RPAP2: variants seen among roughly 807,000 people sequenced by gnomAD.
RPAP2 encodes RNA polymerase II associated protein 2.
Under a neutral mutation model 73.1 loss-of-function variants are expected in RPAP2, and 52 were observed. The observed-to-expected ratio is 0.71, with a 90% CI of 0.57 to 0.90. RPAP2 has a LOEUF of 0.90. Among genes scored for constraint, RPAP2 ranks in the 40% least tolerant of loss-of-function variants. The pLI, the probability that RPAP2 is intolerant of heterozygous loss-of-function variation, is 0.00. For synonymous variants in RPAP2, 225 were observed against 242.1 expected (o/e 0.93, Z 0.65); for missense variants, 598 against 701.8 (o/e 0.85, Z 1.67).
Position 92,367,343 on chromosome 1 carries a change from G to A in RPAP2, c.1689-13381G>A, listed in dbSNP as rs187529666. 9.0e-4 allele frequency among the ~76,000 whole-genome samples: 137 copies of A among 152,228 alleles called. 1 individual carries two copies. Among genetic ancestry groups the A allele is most frequent in the African/African-American group, 2.8e-3 (115 of 41,538 alleles). On this transcript the variant is annotated intron_variant, in intron 11 of 12. Coordinates refer to ENST00000610020, the MANE Select transcript of RPAP2 (RefSeq NM_024813.3). ...AATTAGTGCCTCATCTATCCCAGAC[G>A]GCTTTTGCGTTTGTTTGATTGTAAG...
chr1:92,378,607 G>A (rs1272337101), intron 11 of RPAP2, among the ~76,000 whole-genome samples: 2 of 152,130 alleles, frequency 1.3e-5, no homozygotes, highest in Non-Finnish European at 1.5e-5. Flanking sequence ...TTTAGCCAGT[G>A]TTATCCCATC....
At chr1:92,303,120 C>A (rs563279890) in intron 3 of RPAP2, among the ~76,000 whole-genome samples, 43 of 152,094 alleles carry the variant, frequency 2.8e-4, no homozygotes, top group African/African-American at 9.2e-4. Flanking sequence ...TTTTGTAATC[C>A]TTAAGAGGGC....
chr1:92,357,694 G>A (rs1654544682), intron 11 of RPAP2, among the ~76,000 whole-genome samples: 1 of 152,144 alleles, frequency 6.6e-6, no homozygotes, highest in African/African-American at 2.4e-5. Context: ...ACCACACCCA[G>A]CTAATTTTTG....
Position 92,365,980 on chromosome 1 carries a change from TA to T in RPAP2, c.1689-14734del, listed in dbSNP as rs1294395030. ...GTTGAAGACCAACAAGTCAGTCTCA[TA>T]AAAAAAAAATTTAACAAACTTGGAA... On this transcript the variant is annotated intron_variant, in intron 11 of 12. Transcript: ENST00000610020. 6.6e-5 allele frequency among the ~76,000 whole-genome samples: 10 copies of T among 150,616 alleles called. 1 individual carries two copies. The highest frequency in any genetic ancestry group is 1.7e-4 in the African/African-American group (7 of 41,002).
At position 92,347,176 on chromosome 1, in the gene RPAP2, A is replaced by T. The variant is rs541909614; in HGVS notation, c.1688+1262A>T. On this transcript the variant is annotated intron_variant, in intron 11 of 12. Coordinates refer to ENST00000610020, the MANE Select transcript of RPAP2 (RefSeq NM_024813.3). ...ACTTTACTTGAATGCCCTGATATAAATTTTTTATCAACCATAAGAACAAAT... is the reference window on the plus strand; with the variant it reads ...ACTTTACTTGAATGCCCTGATATAATTTTTTTATCAACCATAAGAACAAAT... Among the ~76,000 whole-genome samples the T allele has an allele frequency of 1.1e-4, 16 of 152,312 alleles. No homozygotes were observed. The East Asian group carries it at 2.9e-3, about 28-fold the overall frequency.
At chr1:92,354,977 C>T (rs1000272061) in intron 11 of RPAP2, among the ~76,000 whole-genome samples, 1 of 151,358 alleles carries the variant, frequency 6.6e-6, no homozygotes, top group Admixed American at 6.6e-5. Flanking sequence ...CAGCTCATTG[C>T]AATCTCTGCC....
At chr1:92,331,218 T>C (rs1016799648) in intron 8 of RPAP2, among the ~76,000 whole-genome samples, 1 of 152,238 alleles carries the variant, frequency 6.6e-6, no homozygotes, top group African/African-American at 2.4e-5. Context: ...TTTGCTTTTT[T>C]TCTTTACAGT....
At chr1:92,362,230 CT>C (rs1654762827) in intron 11 of RPAP2, among the ~76,000 whole-genome samples, 1 of 152,156 alleles carries the variant, frequency 6.6e-6, no homozygotes, top group Non-Finnish European at 1.5e-5. Context: ...TTGTTAAACA[CT>C]TCCATTTAGA....
intron 8 of RPAP2, among the ~76,000 whole-genome samples, chr1:92,331,177 A>T (rs1652941053): frequency 6.6e-6 from 1 of 152,220 alleles, no homozygotes; most frequent in Non-Finnish European, 1.5e-5. Flanking sequence ...TGGTGAATTG[A>T]AACTCATATC....
intron 10 of RPAP2, among the ~76,000 whole-genome samples, chr1:92,344,500 A>G (rs1307886947): frequency 6.6e-6 from 1 of 152,256 alleles, no homozygotes; most frequent in Non-Finnish European, 1.5e-5. Flanking sequence ...ACAGCTATTT[A>G]ATATTTTATA....
rs1485995581 is a variant in RPAP2, at chr1:92,390,829, C to A, written c.*3818C>A. 1 of 152,150 alleles carries A rather than the reference C, an allele frequency of 6.6e-6. No individual in the cohort carries two copies. Among genetic ancestry groups the A allele is most frequent in the African/African-American group, 2.4e-5 (1 of 41,440 alleles). 9.4% of individuals were successfully genotyped at this position (152,150 alleles called of 1,614,324 possible). Reference sequence around the variant, plus strand: ...TTACATAATGGTAAAGGGATCAATTCAACAAGAACAGCTAACTATCCTAAA... The same window carrying A: ...TTACATAATGGTAAAGGGATCAATTAAACAAGAACAGCTAACTATCCTAAA... On this transcript the variant is annotated 3_prime_UTR_variant, in exon 13 of 13. Coordinates refer to ENST00000610020, the MANE Select transcript of RPAP2 (RefSeq NM_024813.3).
Position 92,401,196 on chromosome 1 carries a change from A to T in RPAP2, c.*14185A>T, listed in dbSNP as rs563079908. 5.9e-5 allele frequency: 9 copies of T among 152,346 alleles called. No homozygotes were observed. The highest frequency in any genetic ancestry group is 2.2e-4 in the African/African-American group (9 of 41,588). 9.4% of individuals were successfully genotyped at this position (152,346 alleles called of 1,614,324 possible). A position where few individuals can be genotyped will look rare whatever the true frequency, so the allele number is the denominator to read the frequency against. On this transcript the variant is annotated 3_prime_UTR_variant, in exon 13 of 13. Coordinates refer to ENST00000610020, the MANE Select transcript of RPAP2 (RefSeq NM_024813.3). ...GATTTGGGTGAGGACACAGAGCCGG[A>T]CCATATCAGAGAGAAAGCTATTACT...
intron 11 of RPAP2, among the ~76,000 whole-genome samples, chr1:92,349,306 A>G (rs1654078868): frequency 6.6e-6 from 1 of 152,234 alleles, no homozygotes; most frequent in Non-Finnish European, 1.5e-5. Context: ...TTATATATGA[A>G]TATTGCTAAG....
Position 92,352,505 on chromosome 1 carries a change from A to G in RPAP2, c.1688+6591A>G, listed in dbSNP as rs1300614463. ...CCTCAGAAAAATCTGTGAACATACC[A>G]TGAAAAACAAAGAGATGGTTCCTTA... On this transcript the variant is annotated intron_variant, in intron 11 of 12. Coordinates refer to ENST00000610020, the MANE Select transcript of RPAP2 (RefSeq NM_024813.3). Among the ~76,000 whole-genome samples the G allele has an allele frequency of 2.6e-5, 4 of 152,294 alleles. No individual in the cohort carries two copies. In the East Asian group the frequency reaches 7.7e-4, roughly 29 times the overall value.
intron 11 of RPAP2, among the ~76,000 whole-genome samples, chr1:92,360,002 A>AG (rs1654654444): frequency 6.6e-6 from 1 of 151,702 alleles, no homozygotes; most frequent in Non-Finnish European, 1.5e-5. Context: ...CAGTCTGGTA[A>AG]TTTGGTAGTG....
At chr1:92,320,048 T>C (rs1344473453) in intron 6 of RPAP2, among the ~76,000 whole-genome samples, 2 of 151,926 alleles carry the variant, frequency 1.3e-5, no homozygotes, top group Non-Finnish European at 2.9e-5. Flanking sequence ...GTAATGGTTC[T>C]AGTAGTAGGC....
intron 7 of RPAP2, among the ~76,000 whole-genome samples, chr1:92,322,051 T>C (rs1045088986): frequency 2.6e-5 from 4 of 151,068 alleles, no homozygotes; most frequent in African/African-American, 9.7e-5. Flanking sequence ...GTTCAAGCAG[T>C]TCTCCTGCCT....
chr1:92,321,941 TTTC>T (rs1459624102), intron 7 of RPAP2, among the ~76,000 whole-genome samples: 34 of 150,742 alleles, frequency 2.3e-4, no homozygotes, highest in African/African-American at 8.3e-4. Context: ...TGAAATTTTC[TTTC>T]TTTTTTTTTT....
chr1:92,345,924 C>T lies in RPAP2; in HGVS notation c.1688+10C>T, dbSNP rs1379058672. ...TGGTGTTGCTGTCATTGTAAGTACT[C>T]TCTCAGATTTTAACTCTAAATACTA... On this transcript the variant is annotated intron_variant, in intron 11 of 12. Coordinates refer to ENST00000610020, the MANE Select transcript of RPAP2 (RefSeq NM_024813.3). 2 of 1,572,976 alleles carry T rather than the reference C, an allele frequency of 1.3e-6. No homozygotes were observed. Among genetic ancestry groups the T allele is most frequent in the Non-Finnish European group, 1.7e-6 (2 of 1,145,332 alleles).
Sources: allele counts gnomAD v4.1 joint callset (sites outside exome capture counted in the v4.1 genomes callset), GRCh38; gene constraint gnomAD v4.1.1; transcripts MANE v1.5; gene names NCBI Gene and HGNC (gene_info 2026-07-23, HGNC 2026-07-21).